PDE8B: variants seen among roughly 807,000 people sequenced by gnomAD.
PDE8B encodes high affinity cAMP-specific and IBMX-insensitive 3',5'-cyclic phosphodiesterase 8B.
Under a neutral mutation model 101.3 loss-of-function variants are expected in PDE8B, and 26 were observed. The ratio of observed to expected loss-of-function variants is 0.26; its 90% confidence interval spans 0.19 to 0.36. PDE8B has a LOEUF of 0.36. Among genes scored for constraint, PDE8B ranks in the 10% least tolerant of loss-of-function variants. PDE8B has a pLI of 1.00. For synonymous variants in PDE8B, 424 were observed against 429.3 expected (o/e 0.99, Z 0.15); for missense variants, 810 against 1,163.1 (o/e 0.70, Z 4.42).
At chr5:77,247,943 G>A (rs6867654) in intron 1 of PDE8B, among the ~76,000 whole-genome samples, 62,914 of 152,014 alleles carry the variant, frequency 0.41, 13,508 homozygotes, top group East Asian at 0.75. Context: ...CATGCAGGAA[G>A]GTCTGAGGTT....
intron 8 of PDE8B, among the ~76,000 whole-genome samples, 177 bp downstream of exon 8, chr5:77,349,736 CT>C (rs2150434517): frequency 6.6e-6 from 1 of 152,184 alleles, no homozygotes; most frequent in Admixed American, 6.5e-5. Context: ...TCAAGTGAAT[CT>C]GGTGCTTATC....
chr5:77,346,903 G>A (rs1411655192), intron 7 of PDE8B, among the ~76,000 whole-genome samples: 5 of 152,196 alleles, frequency 3.3e-5, no homozygotes. Context: ...GGATGGGATA[G>A]TTAATATATG....
the PDE8B span, among the ~76,000 whole-genome samples, chr5:77,126,953 G>A: frequency 6.6e-6 from 1 of 152,100 alleles, no homozygotes; most frequent in East Asian, 1.9e-4. Flanking sequence ...CCACTATTTT[G>A]TCCAAGCCTC....
intron 2 of PDE8B, 41 bp downstream of exon 2, chr5:77,312,094 C>CTT (rs745327805): frequency 3.7e-5 from 40 of 1,095,432 alleles, no homozygotes; most frequent in South Asian, 9.6e-5. Context: ...AGATTATTTT[C>CTT]TTTTTTTTTT....
At chr5:77,145,090 A>G in the PDE8B span, 1 of 151,962 alleles carries the variant, frequency 6.6e-6, no homozygotes, top group East Asian at 1.9e-4. Context: ...TATGTAATAT[A>G]TAGTGTATAA....
chr5:77,325,474 G>C, intron 2 of PDE8B, 65 bp from the exon 3 acceptor site: 2 of 1,475,626 alleles, frequency 1.4e-6, no homozygotes, highest in Non-Finnish European at 1.9e-6. Context: ...TGGCCACTAG[G>C]CTTGTTTTTA....
chr5:77,197,100 T>TA, the PDE8B span, among the ~76,000 whole-genome samples: 1 of 144,078 alleles, frequency 6.9e-6, no homozygotes, highest in Non-Finnish European at 1.5e-5. Context: ...TACTGACCTT[T>TA]AAAAAAAACT....
intron 16 of PDE8B, 113 bp from the exon 17 acceptor site, chr5:77,412,998 G>A (rs1794856643): frequency 2.3e-6 from 2 of 858,734 alleles, no homozygotes; most frequent in Non-Finnish European, 2.0e-6. Flanking sequence ...AAACCCCTGT[G>A]TGTGTGAAGC....
chr5:77,182,621 C>G, the PDE8B span, among the ~76,000 whole-genome samples: 1 of 152,142 alleles, frequency 6.6e-6, no homozygotes, highest in African/African-American at 2.4e-5. Flanking sequence ...ATTGACTTAC[C>G]TGGGAATGAC....
the PDE8B span, among the ~76,000 whole-genome samples, chr5:77,121,509 C>CT: frequency 0.35 from 49,173 of 141,052 alleles, 9,544 homozygotes; most frequent in Non-Finnish European, 0.44. Context: ...ATTAGGCTTC[C>CT]TTTTTTTTTT....
intron 20 of PDE8B, 68 bp downstream of exon 20, chr5:77,422,056 G>A: frequency 6.7e-7 from 1 of 1,499,390 alleles, no homozygotes; most frequent in South Asian, 1.2e-5. Flanking sequence ...GGAACTCCTG[G>A]GGGATTCTCC....
intron 1 of PDE8B, among the ~76,000 whole-genome samples, chr5:77,232,735 A>G (rs1355927389): frequency 6.6e-6 from 1 of 152,200 alleles, no homozygotes; most frequent in Non-Finnish European, 1.5e-5. Context: ...TGGGGTTGCT[A>G]GGAAATGATT....
intron 10 of PDE8B, among the ~76,000 whole-genome samples, chr5:77,399,459 A>T (rs1791779485): frequency 6.6e-6 from 1 of 152,238 alleles, no homozygotes; most frequent in African/African-American, 2.4e-5. Context: ...CCATTCATTG[A>T]GTGGCTACAA....
rs1378410955 is a variant in PDE8B, at chr5:77,421,996, A to G, written c.2418+8A>G. The stretch of plus-strand genomic sequence containing the variant: ...GAGGAGTATTTTGCACAGGTGCGCC[A>G]TCTTTCCAGGGAAGCTCCACTTCCC... On this transcript the variant is annotated splice_region_variant and intron_variant, in intron 20 of 21. Coordinates refer to ENST00000264917, the MANE Select transcript of PDE8B (RefSeq NM_003719.5). 1 of 1,613,476 alleles carries G rather than the reference A, an allele frequency of 6.2e-7. No individual in the cohort carries two copies. The highest frequency in any genetic ancestry group is 8.5e-7 in the Non-Finnish European group (1 of 1,179,730).
At chr5:77,188,439 G>A in the PDE8B span, among the ~76,000 whole-genome samples, 1 of 152,194 alleles carries the variant, frequency 6.6e-6, no homozygotes. Flanking sequence ...GGCTACTGAA[G>A]TATTTTCACA....
At chr5:77,093,365 G>T in the PDE8B span, among the ~76,000 whole-genome samples, 1 of 151,924 alleles carries the variant, frequency 6.6e-6, no homozygotes, top group Non-Finnish European at 1.5e-5. Flanking sequence ...CTAAGGTGTT[G>T]GTATATACTT....
intron 1 of PDE8B, among the ~76,000 whole-genome samples, chr5:77,223,820 G>A (rs767943433): frequency 1.3e-5 from 2 of 152,218 alleles, no homozygotes; most frequent in African/African-American, 2.4e-5. Flanking sequence ...CCCCTGCTAA[G>A]TGGCAGTGGT....
the PDE8B span, chr5:77,118,382 G>A: frequency 2.5e-6 from 1 of 398,684 alleles, no homozygotes; most frequent in Middle Eastern, 6.3e-4. Context: ...AGTGGAAGGA[G>A]GGGAGCTTCT....
At chr5:77,278,334 T>A (rs1046612094) in intron 1 of PDE8B, among the ~76,000 whole-genome samples, 1 of 152,238 alleles carries the variant, frequency 6.6e-6, no homozygotes, top group Admixed American at 6.5e-5. Flanking sequence ...GCCTTACTGA[T>A]AGCCTTGCTC....
Sources: allele counts gnomAD v4.1 joint callset (sites outside exome capture counted in the v4.1 genomes callset), GRCh38; gene constraint gnomAD v4.1.1; transcripts MANE v1.5; gene names NCBI Gene and HGNC (gene_info 2026-07-23, HGNC 2026-07-21).